Variants in MEIKIN observed in about 807,000 individuals in gnomAD.
MEIKIN encodes meiosis-specific kinetochore protein.
chr5:131,914,098 A>G (rs1465962983), intron 7 of MEIKIN, among the ~76,000 whole-genome samples: 1 of 152,218 alleles, frequency 6.6e-6, no homozygotes. Flanking sequence ...CTGAGCTACC[A>G]TGTTCAGTCC....
chr5:131,826,004 G>T (rs1749602549), intron 11 of MEIKIN, among the ~76,000 whole-genome samples: 1 of 151,756 alleles, frequency 6.6e-6, no homozygotes, highest in South Asian at 2.1e-4. Context: ...CAAATTAAAG[G>T]CATTTTTTAA....
intron 12 of MEIKIN, among the ~76,000 whole-genome samples, chr5:131,810,417 A>G (rs1030051497): frequency 4.6e-5 from 7 of 152,208 alleles, no homozygotes; most frequent in African/African-American, 1.4e-4. Context: ...TAACACCTCA[A>G]AGTTAAAAGT....
intron 8 of MEIKIN, among the ~76,000 whole-genome samples, chr5:131,892,366 T>C (rs1036735614): frequency 3.9e-5 from 6 of 152,224 alleles, no homozygotes; most frequent in African/African-American, 1.2e-4. Context: ...TCAGACGTAA[T>C]TTGGTCTTTT....
intron 11 of MEIKIN, among the ~76,000 whole-genome samples, chr5:131,824,835 C>T (rs1430374276): frequency 6.6e-6 from 1 of 151,914 alleles, no homozygotes; most frequent in African/African-American, 2.4e-5. Context: ...CATGAATCCA[C>T]AGATTTAGGA....
chr5:131,865,976 T>C (rs948305028), intron 9 of MEIKIN, among the ~76,000 whole-genome samples: 10 of 152,156 alleles, frequency 6.6e-5, no homozygotes, highest in African/African-American at 2.4e-4. Flanking sequence ...CAACCTGGCA[T>C]TGGTGTTAGT....
intron 8 of MEIKIN, among the ~76,000 whole-genome samples, chr5:131,881,681 A>G (rs1750704866): frequency 6.6e-6 from 1 of 152,148 alleles, no homozygotes. Context: ...TATACCATAT[A>G]TATAATAACA....
intron 8 of MEIKIN, among the ~76,000 whole-genome samples, chr5:131,883,740 G>T (rs1198277651): frequency 1.3e-5 from 2 of 152,188 alleles, no homozygotes; most frequent in Non-Finnish European, 2.9e-5. Context: ...TTAACTTCAT[G>T]TTGCTAAAAG....
At chr5:131,888,557 G>A (rs1290649555) in intron 8 of MEIKIN, among the ~76,000 whole-genome samples, 1 of 150,446 alleles carries the variant, frequency 6.6e-6, no homozygotes, top group Non-Finnish European at 1.5e-5. Context: ...TGATGGGGTT[G>A]TTTGTTTTTT....
At chr5:131,916,509 C>T (rs1751417969) in intron 7 of MEIKIN, among the ~76,000 whole-genome samples, 2 of 152,206 alleles carry the variant, frequency 1.3e-5, no homozygotes, top group Non-Finnish European at 2.9e-5. Context: ...CAGTATTACC[C>T]CAACCCACTC....
At chr5:131,942,752 T>G in intron 3 of MEIKIN, 57 bp from the exon 4 acceptor site, 1 of 396,692 alleles carries the variant, frequency 2.5e-6, no homozygotes. Context: ...CATTTCTATA[T>G]TATAATCTTG....
intron 8 of MEIKIN, among the ~76,000 whole-genome samples, chr5:131,905,108 A>G (rs781300401): frequency 6.6e-6 from 1 of 152,202 alleles, no homozygotes; most frequent in African/African-American, 2.4e-5. Context: ...CTGCACATGT[A>G]TCCCAGAACT....
chr5:131,841,494 T>C (rs1246407877), intron 11 of MEIKIN, among the ~76,000 whole-genome samples: 1 of 152,222 alleles, frequency 6.6e-6, no homozygotes, highest in African/African-American at 2.4e-5. Flanking sequence ...TAGACTACTA[T>C]TGTTTTCAAA....
intron 2 of MEIKIN, 71 bp from the exon 3 acceptor site, chr5:131,944,823 T>A (rs934317060): frequency 2.0e-5 from 8 of 398,990 alleles, no homozygotes; most frequent in Middle Eastern, 6.3e-4. Flanking sequence ...TCAGACTCTT[T>A]AGAATCTGAA....
intron 11 of MEIKIN, among the ~76,000 whole-genome samples, chr5:131,826,973 G>T (rs1749627254): frequency 6.6e-6 from 1 of 152,210 alleles, no homozygotes; most frequent in Non-Finnish European, 1.5e-5. Flanking sequence ...GTAGGGGAAA[G>T]AAGTGAAATG....
At chr5:131,879,471 G>A (rs1379333598) in intron 8 of MEIKIN, among the ~76,000 whole-genome samples, 1 of 152,150 alleles carries the variant, frequency 6.6e-6, no homozygotes, top group Non-Finnish European at 1.5e-5. Flanking sequence ...TTGTACAGTG[G>A]CGAAGCCTCG....
At chr5:131,848,571 C>T (rs917389303) in intron 11 of MEIKIN, among the ~76,000 whole-genome samples, 2 of 152,108 alleles carry the variant, frequency 1.3e-5, no homozygotes, top group South Asian at 4.1e-4. Flanking sequence ...AATTCTGATG[C>T]CTTCCCTGGT....
intron 5 of MEIKIN, among the ~76,000 whole-genome samples, chr5:131,930,340 CG>C (rs1185094808): frequency 1.3e-5 from 2 of 151,988 alleles, no homozygotes; most frequent in African/African-American, 2.4e-5. Context: ...TTAATAGGAT[CG>C]TTTTTTTGCT....
At chr5:131,887,535 G>C (rs1750822145) in intron 8 of MEIKIN, among the ~76,000 whole-genome samples, 1 of 152,068 alleles carries the variant, frequency 6.6e-6, no homozygotes, top group Non-Finnish European at 1.5e-5. Flanking sequence ...CATTCTAACT[G>C]GTGTGAGATG....
chr5:131,894,572 T>C (rs549439578), intron 8 of MEIKIN, among the ~76,000 whole-genome samples: 3 of 152,258 alleles, frequency 2.0e-5, no homozygotes, highest in East Asian at 1.9e-4. Flanking sequence ...TCTTTTATTT[T>C]GTTGAGCAGT....
Sources: allele counts gnomAD v4.1 joint callset (sites outside exome capture counted in the v4.1 genomes callset), GRCh38; gene constraint gnomAD v4.1.1; transcripts MANE v1.5; gene names NCBI Gene and HGNC (gene_info 2026-07-23, HGNC 2026-07-21).